The following FBXO30 variants were observed in gnomAD, a reference collection of about 807,000 sequenced individuals.
The protein encoded by FBXO30 is F-box only protein 30.
In FBXO30, 21 loss-of-function variants were observed where a neutral mutation model predicts 58.1. The ratio of observed to expected loss-of-function variants is 0.36; its 90% CI spans 0.26 to 0.52. The LOEUF (loss-of-function observed/expected upper bound fraction) is 0.52. FBXO30 is among the 20% of genes least tolerant of loss of function. The pLI, the probability that FBXO30 is intolerant of heterozygous loss-of-function variation, is 0.93. For synonymous variants in FBXO30, 309 were observed against 312.4 expected, an observed-to-expected ratio of 0.99 and a Z score of 0.11; for missense variants, 744 against 897.3, an observed-to-expected ratio of 0.83 and a Z score of 2.18.
intron 1 of FBXO30, 89 bp downstream of exon 1, chr6:145,814,514 G>A (rs1429038341): frequency 6.6e-6 from 1 of 151,806 alleles, no homozygotes; most frequent in Non-Finnish European, 1.5e-5. Context: ...CTCGGTCCCG[G>A]CCGCGGCCTC....
chr6:145,799,985 TTATATACACAG>T lies in FBXO30; in HGVS notation c.*110_*120del. ...TAAAAATAGATGTCACTTCAAAACA[TTATATACACAG>T]TGACAATAAATTTAGCTAGTTGTAA... On this transcript the variant is annotated 3_prime_UTR_variant, in exon 3 of 3. Coordinates refer to ENST00000237281, the MANE Select transcript of FBXO30 (RefSeq NM_032145.5). 4.0e-6 allele frequency: 3 copies of T among 750,908 alleles called. No homozygotes were observed. Among genetic ancestry groups the T allele is most frequent in the African/African-American group, 1.8e-5 (1 of 56,210 alleles). The allele number at this position is 750,908 out of a possible 1,614,324, so 46.5% of individuals were successfully genotyped here. A position where few individuals can be genotyped will look rare whatever the true frequency, so the allele number is the denominator to read the frequency against.
intron 2 of FBXO30, 84 bp downstream of exon 2, chr6:145,804,288 C>A: frequency 8.0e-7 from 1 of 1,242,896 alleles, no homozygotes; most frequent in East Asian, 2.4e-5. Context: ...GTCAATTTCT[C>A]AACAAGATAT....
rs1777825783 is a variant in FBXO30, at chr6:145,794,174, A to G, written c.*5932T>C. ...CTGATTTATCTCTATGAATTTACCT[A>G]TTCTGCATATTTCATATAAATGAAA... On this transcript the variant is annotated 3_prime_UTR_variant, in exon 3 of 3. Coordinates refer to ENST00000237281, the MANE Select transcript of FBXO30 (RefSeq NM_032145.5). 6.6e-6 allele frequency: 1 copy of G among 151,944 alleles called. No homozygotes were observed. Among genetic ancestry groups the G allele is most frequent in the African/African-American group, 2.4e-5 (1 of 41,408 alleles). 9.4% of individuals were successfully genotyped at this position (151,944 alleles called of 1,614,324 possible).
Position 145,804,929 on chromosome 6 carries a change from G to A in FBXO30, c.1477C>T (p.Pro493Ser). The change falls in exon 2 of 3, where the codon CCA becomes TCA. Residue 493 changes from proline to serine, a missense_variant. This residue lies in a region of FBXO30 where 334 missense variants were observed against 433.7 expected (regional missense o/e 0.77). Coordinates refer to ENST00000237281, the MANE Select transcript of FBXO30 (RefSeq NM_032145.5). ...AGCCCAAGTGTCTGAAACGGACTTG[G>A]ATTTGAAAGCTGTGGATTGGCATGA... ...CDHANPQLSN[P>S]SPFQTLGLDL... The A allele has an allele frequency of 6.2e-7, 1 of 1,613,918 alleles. No homozygotes were observed. Among genetic ancestry groups the A allele is most frequent in the Non-Finnish European group, 8.5e-7 (1 of 1,179,910 alleles).
At chr6:145,802,392 A>C (rs761571541) in intron 2 of FBXO30, among the ~76,000 whole-genome samples, 4 of 152,178 alleles carry the variant, frequency 2.6e-5, no homozygotes, top group African/African-American at 7.2e-5. Flanking sequence ...AGTTCATACA[A>C]GCAAAGTGCT....
chr6:145,810,483 A>C (rs928402015), intron 1 of FBXO30, among the ~76,000 whole-genome samples: 11 of 152,216 alleles, frequency 7.2e-5, no homozygotes, highest in Non-Finnish European at 1.5e-4. Context: ...AAAACAACTA[A>C]CATCTCTAAT....
rs1778128539 is a variant in FBXO30 at position 145,805,268 on chromosome 6, C to T, written c.1138G>A (p.Val380Ile). 1 of 1,613,944 alleles carries T rather than the reference C, an allele frequency of 6.2e-7. No homozygotes were observed. Among genetic ancestry groups the T allele is most frequent in the African/African-American group, 1.3e-5 (1 of 74,936 alleles). Residue 380 changes from valine (V) to isoleucine (I), a missense_variant, in exon 2 of 3, where the codon GTC (valine) becomes ATC (isoleucine). Transcript: ENST00000237281. ...GAAGGAGCATGACTGAAAGATAAGA[C>T]ATCCACATTCTTCACGTCCCCTAAG... ...VDLGDVKNVDVLSFSHAPSFN... is the reference protein window; with the variant it reads ...VDLGDVKNVDILSFSHAPSFN...
At position 145,798,612 on chromosome 6, in the gene FBXO30, G is replaced by A. The variant is rs1279907548; in HGVS notation, c.*1494C>T. ...AGTATTCTACTATTTAAAATGACTG[G>A]TGAGGCAAAACAATTGATTAGTCTT... is the stretch of plus-strand genomic sequence containing the variant. On this transcript the variant is annotated 3_prime_UTR_variant, in exon 3 of 3. Transcript: ENST00000237281. The A allele has an allele frequency of 6.6e-6, 1 of 152,372 alleles. No homozygotes were observed. Among genetic ancestry groups the A allele is most frequent in the African/African-American group, 2.4e-5 (1 of 41,384 alleles). The allele number at this position is 152,372 out of a possible 1,614,324, so 9.4% of individuals were successfully genotyped here. A position where few individuals can be genotyped will look rare whatever the true frequency, so the allele number is the denominator to read the frequency against.
rs939936636 is a variant in FBXO30, at chr6:145,794,567, C to A, written c.*5539G>T. On this transcript the variant is annotated 3_prime_UTR_variant, in exon 3 of 3. Coordinates refer to ENST00000237281, the MANE Select transcript of FBXO30 (RefSeq NM_032145.5). ...TTGTAGGGACCAATACTGTTCTCTC[C>A]ATATTTTATTTAAAATACAGATTTT... The A allele has an allele frequency of 2.6e-5, 4 of 151,804 alleles. No homozygotes were observed. Among genetic ancestry groups the A allele is most frequent in the African/African-American group, 9.7e-5 (4 of 41,398 alleles). The allele number at this position is 151,804 out of a possible 1,614,324, so 9.4% of individuals were successfully genotyped here.
intron 2 of FBXO30, among the ~76,000 whole-genome samples, chr6:145,802,615 T>C (rs1372290562): frequency 6.6e-6 from 1 of 152,148 alleles, no homozygotes; most frequent in East Asian, 1.9e-4. Context: ...CCAGGGGTGA[T>C]GAACAAATAT....
Position 145,795,004 on chromosome 6 carries a change from A to C in FBXO30, c.*5102T>G, listed in dbSNP as rs924822286. The C allele has an allele frequency of 4.0e-5, 6 of 151,654 alleles. No individual in the cohort carries two copies. The highest frequency in any genetic ancestry group is 8.9e-5 in the Non-Finnish European group (6 of 67,702). The allele number at this position is 151,654 out of a possible 1,614,324, so 9.4% of individuals were successfully genotyped here. A position where few individuals can be genotyped will look rare whatever the true frequency, so the allele number is the denominator to read the frequency against. On this transcript the variant is annotated 3_prime_UTR_variant, in exon 3 of 3. Transcript: ENST00000237281. ...GCAGAATGCAGGACCCCTTTTTTTC[A>C]ATTTCAATCTTTTGAATATTAACAA...
Position 145,806,286 on chromosome 6 carries a change from A to G in FBXO30, c.120T>C (p.Val40=), listed in dbSNP as rs774007194. ...LIGCPLVCGA[V]FHSCKADEHR... ...GCTCATCAGCTTTACAAGAATGGAA[A>G]ACTGCACCACAAACCAATGGACAAC... The change falls in exon 2 of 3, where the codon GTT becomes GTC. Residue 40 remains valine, a synonymous_variant. Transcript: ENST00000237281. The G allele has an allele frequency of 1.2e-6, 2 of 1,614,056 alleles. No individual in the cohort carries two copies. Among genetic ancestry groups the G allele is most frequent in the East Asian group, 4.5e-5 (2 of 44,882 alleles).
At chr6:145,806,707 T>G (rs1186172588) in intron 1 of FBXO30, among the ~76,000 whole-genome samples, 2 of 152,192 alleles carry the variant, frequency 1.3e-5, no homozygotes, top group African/African-American at 4.8e-5. Flanking sequence ...CAAAATATAC[T>G]ATTTAAATTC....
chr6:145,803,653 A>G (rs1778073972), intron 2 of FBXO30, among the ~76,000 whole-genome samples: 1 of 152,192 alleles, frequency 6.6e-6, no homozygotes, highest in African/African-American at 2.4e-5. Context: ...GTAGGGTATC[A>G]CAGAAGGAAA....
intron 2 of FBXO30, among the ~76,000 whole-genome samples, chr6:145,803,056 G>C (rs965385475): frequency 9.2e-5 from 14 of 151,926 alleles, no homozygotes; most frequent in Non-Finnish European, 1.5e-4. Context: ...ATAGTGGTTG[G>C]GAGTTCAGTG....
chr6:145,804,667 T>C lies in FBXO30; in HGVS notation c.1739A>G (p.His580Arg), dbSNP rs748716303. Residue 580 changes from histidine to arginine, a missense_variant, in exon 2 of 3, where the codon CAT (histidine) becomes CGT (arginine). Around this residue, in one of 3 missense-constraint regions of FBXO30, gnomAD observed 334 missense variants for 433.7 expected, o/e 0.77. Transcript: ENST00000237281. ...CPSIQGAKII[H>R]DRHLRSFGVQ... ...TCCAAATGACCTCAAATGGCGGTCATGTATAATCTTTGCTCCTTGTATTGA... is the reference window on the plus strand; with the variant it reads ...TCCAAATGACCTCAAATGGCGGTCACGTATAATCTTTGCTCCTTGTATTGA... The C allele has an allele frequency of 6.2e-7, 1 of 1,613,916 alleles. No individual in the cohort carries two copies. The highest frequency in any genetic ancestry group is 8.5e-7 in the Non-Finnish European group (1 of 1,179,900).
Position 145,804,384 on chromosome 6 carries a change from C to T in FBXO30, c.2022G>A (p.Gln674=), listed in dbSNP as rs781197362. Residue 674 remains glutamine, a synonymous_variant, in exon 2 of 3, where the codon CAG becomes CAA. Coordinates refer to ENST00000237281, the MANE Select transcript of FBXO30 (RefSeq NM_032145.5). The part of the protein sequence containing the change: ...RKYPEGNSSW[Q]IKEKVWRFST... ...AGATTACACTAACCTTTTCTTTTAT[C>T]TGCCATGATGAATTTCCTTCTGGAT... 1 of 1,610,656 alleles carries T rather than the reference C, an allele frequency of 6.2e-7. No homozygotes were observed. Among genetic ancestry groups the T allele is most frequent in the Non-Finnish European group, 8.5e-7 (1 of 1,178,454 alleles).
chr6:145,801,942 T>C (rs180869933), intron 2 of FBXO30, among the ~76,000 whole-genome samples: 2 of 152,002 alleles, frequency 1.3e-5, no homozygotes, highest in African/African-American at 4.8e-5. Context: ...CAAAAGAAAA[T>C]GTATGACTCC....
chr6:145,813,752 G>C (rs1341040112), intron 1 of FBXO30, among the ~76,000 whole-genome samples: 1 of 152,144 alleles, frequency 6.6e-6, no homozygotes, highest in Non-Finnish European at 1.5e-5. Context: ...TCTTGGATCA[G>C]AGTCAACGAA....
Sources: gnomAD v4.1 joint callset for allele counts (sites outside exome capture counted in the v4.1 genomes callset) on GRCh38, gnomAD v4.1.1 for gene constraint, gnomAD v4.1.1 regional missense constraint, MANE v1.5 for transcripts, NCBI Gene and HGNC (gene_info 2026-07-23, HGNC 2026-07-21) for gene names.